Variants in LVRN observed in about 807,000 individuals in gnomAD.
The protein encoded by LVRN is aminopeptidase Q.
In LVRN, 99 loss-of-function variants were observed where a neutral mutation model predicts 111.4. The observed-to-expected ratio is 0.89, with a 90% confidence interval of 0.76 to 1.05. The LOEUF is 1.05. Ranked by LOEUF, LVRN falls within the 50% of genes least tolerant of loss-of-function variation. LVRN has a pLI of 0.00. For synonymous variants in LVRN, 488 were observed against 449.5 expected, an observed-to-expected ratio of 1.09 and a Z score of -1.08; for missense variants, 1,414 against 1,206.8, an observed-to-expected ratio of 1.17 and a Z score of -2.54.
rs1286792067 is a variant in LVRN at position 116,015,652 on chromosome 5, A to G, written c.2643A>G (p.Thr881=). Residue 881 remains threonine, a synonymous_variant, in exon 18 of 20, where the codon ACA becomes ACG. Coordinates refer to ENST00000357872, the MANE Select transcript of LVRN (RefSeq NM_173800.5). ...GATATATGGAGTATGCCATCAGCAC[A>G]TCTCCATTCACTTCTAATGAAACAA... is the stretch of plus-strand genomic sequence containing the variant. The part of the protein sequence containing the change: ...LNRYMEYAIS[T]SPFTSNETNI... 9 of 1,612,756 alleles carry G rather than the reference A, an allele frequency of 5.6e-6. No individual in the cohort carries two copies. Among genetic ancestry groups the G allele is most frequent in the Non-Finnish European group, 5.9e-6 (7 of 1,179,438 alleles).
At chr5:116,025,531 TTATC>T (rs1415350998) in intron 19 of LVRN, among the ~76,000 whole-genome samples, 1 of 152,226 alleles carries the variant, frequency 6.6e-6, no homozygotes, top group Non-Finnish European at 1.5e-5. Flanking sequence ...TACAAATTCA[TTATC>T]TAAGTATTCT....
At chr5:115,971,185 C>A (rs1352077641) in intron 1 of LVRN, among the ~76,000 whole-genome samples, 1 of 152,130 alleles carries the variant, frequency 6.6e-6, no homozygotes, top group Non-Finnish European at 1.5e-5. Context: ...AATCTTCAGT[C>A]CATTTTTCTC....
chr5:116,017,018 A>T (rs1204891568), intron 18 of LVRN, among the ~76,000 whole-genome samples: 1 of 152,224 alleles, frequency 6.6e-6, no homozygotes, highest in Non-Finnish European at 1.5e-5. Flanking sequence ...ATGTAAAAGG[A>T]TTAGGACTTG....
chr5:115,975,878 A>G (rs1429432583), intron 1 of LVRN: 1 of 157,112 alleles, frequency 6.4e-6, no homozygotes, highest in Admixed American at 6.5e-5. Flanking sequence ...CTGTGTTCTG[A>G]ATTGTAATTT....
At chr5:115,978,043 A>T (rs1373833712) in intron 1 of LVRN, among the ~76,000 whole-genome samples, 1 of 152,250 alleles carries the variant, frequency 6.6e-6, no homozygotes, top group African/African-American at 2.4e-5. Flanking sequence ...ATTAAAATCA[A>T]TGAATTTGTG....
intron 18 of LVRN, among the ~76,000 whole-genome samples, chr5:116,019,724 G>C (rs143981615): frequency 6.6e-6 from 1 of 152,276 alleles, no homozygotes; most frequent in South Asian, 2.1e-4. Context: ...GGGGCTTTGC[G>C]CCCCTCCCAT....
Position 116,027,413 on chromosome 5 carries a change from A to G in LVRN, c.*1295A>G, listed in dbSNP as rs1387741299. ...AAGGCAGCCATAAATGAAAATACAAAACAAACGTTTGCTTTTGTATTTGAT... is the reference window on the plus strand; with the variant it reads ...AAGGCAGCCATAAATGAAAATACAAGACAAACGTTTGCTTTTGTATTTGAT... On this transcript the variant is annotated 3_prime_UTR_variant, in exon 20 of 20. Transcript: ENST00000357872. The G allele has an allele frequency of 6.6e-6, 1 of 152,160 alleles. No individual in the cohort carries two copies. 9.4% of individuals were successfully genotyped at this position (152,160 alleles called of 1,614,324 possible).
chr5:116,015,979 G>C (rs948801903), intron 18 of LVRN, among the ~76,000 whole-genome samples: 1 of 152,138 alleles, frequency 6.6e-6, no homozygotes, highest in African/African-American at 2.4e-5. Context: ...ACTATGGCTT[G>C]AATATTTTTA....
chr5:116,019,964 C>T (rs552668361), intron 18 of LVRN: 1 of 152,426 alleles, frequency 6.6e-6, no homozygotes, highest in African/African-American at 2.4e-5. Flanking sequence ...GACATCGTCT[C>T]CACACCAAGG....
chr5:115,983,148 T>A (rs1300893973), intron 1 of LVRN, 139 bp from the exon 2 acceptor site: 1 of 868,770 alleles, frequency 1.2e-6, no homozygotes, highest in Non-Finnish European at 1.7e-6. Flanking sequence ...GTTGGTGTGA[T>A]GGGATGGGCA....
chr5:115,984,503 C>A lies in LVRN; in HGVS notation c.839-67C>A, dbSNP rs553964940. On this transcript the variant is annotated intron_variant, in intron 2 of 19. Transcript: ENST00000357872. ...AGTAGCTGGGTGACAATTGACTTGACAAATTATTTCAAAGACATGTAATTG... is the reference window on the plus strand; with the variant it reads ...AGTAGCTGGGTGACAATTGACTTGAAAAATTATTTCAAAGACATGTAATTG... 3 of 1,562,662 alleles carry A rather than the reference C, an allele frequency of 1.9e-6. No individual in the cohort carries two copies. The African/African-American group carries it at 4.1e-5, about 21-fold the overall frequency.
At chr5:116,008,775 A>C (rs1030979922) in intron 13 of LVRN, among the ~76,000 whole-genome samples, 4 of 152,200 alleles carry the variant, frequency 2.6e-5, no homozygotes, top group African/African-American at 9.6e-5. Flanking sequence ...AGGTGCAGGA[A>C]AAGGTGCTAG....
chr5:115,979,631 G>T (rs976870672), intron 1 of LVRN, among the ~76,000 whole-genome samples: 3 of 152,008 alleles, frequency 2.0e-5, no homozygotes, highest in South Asian at 4.1e-4. Context: ...ATGTTTTGTT[G>T]CCTGGTGAAA....
intron 18 of LVRN, chr5:116,020,931 T>C (rs903853164): frequency 6.6e-6 from 1 of 152,272 alleles, no homozygotes; most frequent in African/African-American, 2.4e-5. Context: ...TGACTTCATA[T>C]TAATTAGAAT....
chr5:115,995,141 A>G (rs1748078774), intron 6 of LVRN, among the ~76,000 whole-genome samples: 2 of 152,216 alleles, frequency 1.3e-5, no homozygotes, highest in African/African-American at 4.8e-5. Flanking sequence ...TTCATTCTGA[A>G]GGAGATTCTA....
rs75358392 is a variant in LVRN, at chr5:116,012,422, A to G, written c.2296A>G (p.Ile766Val). The G allele has an allele frequency of 2.8e-4, 428 of 1,547,162 alleles. 8 individuals carry two copies. In the East Asian group the frequency reaches 9.5e-3, roughly 34 times the overall value. The change falls in exon 15 of 20, where the codon ATA becomes GTA. Residue 766 changes from isoleucine (I) to valine (V), a missense_variant. By Grantham distance (29) the Ile-to-Val change is conservative. Transcript: ENST00000357872. ...LNLIWNIYSTIIRENVLALQD... is the reference protein window; with the variant it reads ...LNLIWNIYSTVIRENVLALQD... ...TTTAATATGGAATATTTATTCAACTATAATTCGTGAAAATGTGTTGGCATT... is the reference window on the plus strand; with the variant it reads ...TTTAATATGGAATATTTATTCAACTGTAATTCGTGAAAATGTGTTGGCATT...
At chr5:116,009,322 A>C (rs1748440776) in intron 13 of LVRN, among the ~76,000 whole-genome samples, 1 of 152,238 alleles carries the variant, frequency 6.6e-6, no homozygotes, top group Non-Finnish European at 1.5e-5. Flanking sequence ...TGGTTACACA[A>C]GCACTATGAT....
At position 115,962,621 on chromosome 5, in the gene LVRN, G is replaced by A. The variant is rs1156392704; in HGVS notation, c.4G>A (p.Gly2Arg). Reference sequence around the variant, plus strand: ...GCGCCTGAACCCGGTCCCTGCCATGGGGCCCCCTTCCAGCTCAGGCTTCTA... The same window carrying A: ...GCGCCTGAACCCGGTCCCTGCCATGAGGCCCCCTTCCAGCTCAGGCTTCTA... MGPPSSSGFYVS... is the reference protein window; with the variant it reads MRPPSSSGFYVS... The change falls in exon 1 of 20, where the codon GGG becomes AGG. Residue 2 changes from glycine (G) to arginine (R), a missense_variant. Physicochemically the swap from Gly to Arg is moderately radical, Grantham distance 125 (BLOSUM62 -2). Coordinates refer to ENST00000357872, the MANE Select transcript of LVRN (RefSeq NM_173800.5). 2 of 1,593,166 alleles carry A rather than the reference G, an allele frequency of 1.3e-6. No individual in the cohort carries two copies. Among genetic ancestry groups the A allele is most frequent in the Non-Finnish European group, 1.7e-6 (2 of 1,171,186 alleles).
chr5:116,010,801 T>G lies in LVRN; in HGVS notation c.2154T>G (p.Asp718Glu). The change falls in exon 14 of 20, where the codon GAT becomes GAG. Residue 718 changes from aspartate to glutamate, a missense_variant. Coordinates refer to ENST00000357872, the MANE Select transcript of LVRN (RefSeq NM_173800.5). ...LELTKYLAEE[D>E]EIIVWHTVLV... ...TAACCAAGTACCTTGCTGAAGAAGA[T>G]GAAATTATAGTATGGCATACAGTCT... 1 of 1,611,472 alleles carries G rather than the reference T, an allele frequency of 6.2e-7. No homozygotes were observed.
Sources: allele counts gnomAD v4.1 joint callset (sites outside exome capture counted in the v4.1 genomes callset), GRCh38; gene constraint gnomAD v4.1.1; transcripts MANE v1.5; gene names NCBI Gene and HGNC (gene_info 2026-07-23, HGNC 2026-07-21).